GRXCR2: variants seen among roughly 807,000 people sequenced by gnomAD.
GRXCR2 encodes the protein glutaredoxin and cysteine rich domain containing 2.
In GRXCR2, 23 loss-of-function variants were observed where a neutral mutation model predicts 24.8. That is an observed-to-expected ratio of 0.93 (90% CI 0.67 to 1.32). The LOEUF (loss-of-function observed/expected upper bound fraction) is 1.32, where lower values mean the gene tolerates loss of function less well. Among genes scored for constraint, GRXCR2 ranks in the 40% most tolerant of loss-of-function variants. The pLI, the probability that GRXCR2 is intolerant of heterozygous loss-of-function variation, is 0.00. For missense variants in GRXCR2, 315 were observed against 303.4 expected (o/e 1.04, Z -0.28); for synonymous variants, 130 against 116.1 (o/e 1.12, Z -0.77).
chr5:145,880,097 A>G (rs1410501715), intron 2 of GRXCR2, among the ~76,000 whole-genome samples: 1 of 152,236 alleles, frequency 6.6e-6, no homozygotes, highest in Non-Finnish European at 1.5e-5. Flanking sequence ...AGCAGGAAAG[A>G]TCTAAAATCA....
chr5:145,882,492 A>G (rs1003921486), intron 2 of GRXCR2, among the ~76,000 whole-genome samples: 1 of 152,210 alleles, frequency 6.6e-6, no homozygotes, highest in South Asian at 2.1e-4. Flanking sequence ...CACCAATTAG[A>G]ATGGCGATAA....
intron 2 of GRXCR2, among the ~76,000 whole-genome samples, chr5:145,890,418 G>A (rs527790609): frequency 6.6e-6 from 1 of 152,250 alleles, no homozygotes; most frequent in South Asian, 2.1e-4. Context: ...CAAAGACTTC[G>A]AGAAATATGG....
intron 2 of GRXCR2, among the ~76,000 whole-genome samples, chr5:145,889,213 A>AAAGAAAGAAAGAAAG (rs2149918253): frequency 6.6e-6 from 1 of 151,414 alleles, no homozygotes; most frequent in African/African-American, 2.4e-5. Context: ...AGAAAGAAAG[A>AAAGAAAGAAAGAAAG]AAGAAAGAAA....
At chr5:145,892,077 C>A (rs1247202048) in intron 2 of GRXCR2, among the ~76,000 whole-genome samples, 1 of 152,178 alleles carries the variant, frequency 6.6e-6, no homozygotes, top group African/African-American at 2.4e-5. Flanking sequence ...AGGGTCCTGA[C>A]TGTTAGAAGG....
At chr5:145,873,145 T>G (rs190378940), upstream of GRXCR2, 4 of 602,228 alleles carry the variant, frequency 6.6e-6, no homozygotes, top group African/African-American at 7.4e-5. Flanking sequence ...TAGACCCTCA[T>G]GAAAAGGCAG....
At chr5:145,909,786 C>T (rs9885180) in intron 2 of GRXCR2, among the ~76,000 whole-genome samples, 22,315 of 152,092 alleles carry the variant, frequency 0.15, 2,230 homozygotes, top group African/African-American at 0.26. Context: ...TCTTATAAAT[C>T]CTTTTTAATC....
At chr5:145,909,786 C>A (rs9885180) in intron 2 of GRXCR2, among the ~76,000 whole-genome samples, 4 of 152,018 alleles carry the variant, frequency 2.6e-5, no homozygotes, top group Non-Finnish European at 5.9e-5. Flanking sequence ...TCTTATAAAT[C>A]CTTTTTAATC....
intron 2 of GRXCR2, among the ~76,000 whole-genome samples, chr5:145,899,435 G>A (rs893139002): frequency 6.6e-6 from 1 of 151,972 alleles, no homozygotes; most frequent in African/African-American, 2.4e-5. Flanking sequence ...AATAAAAAAA[G>A]AGCTCAAATA....
chr5:145,918,835 T>C (rs1283337078), intron 2 of GRXCR2, among the ~76,000 whole-genome samples: 1 of 152,200 alleles, frequency 6.6e-6, no homozygotes, highest in African/African-American at 2.4e-5. Flanking sequence ...TGTGATACAA[T>C]GGCCTCCATT....
chr5:145,901,442 C>T (rs995097730), intron 2 of GRXCR2, among the ~76,000 whole-genome samples: 1 of 151,972 alleles, frequency 6.6e-6, no homozygotes, highest in Admixed American at 6.6e-5. Context: ...TTATTAGGTA[C>T]CTACTATGTG....
intron 2 of GRXCR2, among the ~76,000 whole-genome samples, chr5:145,894,075 T>C (rs1447765306): frequency 6.6e-6 from 1 of 152,136 alleles, no homozygotes; most frequent in African/African-American, 2.4e-5. Context: ...AAGATGTTCT[T>C]TGAAACCAAC....
intron 2 of GRXCR2, among the ~76,000 whole-genome samples, chr5:145,922,928 C>T (rs1033615783): frequency 1.3e-5 from 2 of 152,308 alleles, no homozygotes; most frequent in African/African-American, 2.4e-5. Flanking sequence ...GTGGGGTTTG[C>T]AATTATAAAA....
chr5:145,872,094 C>T (rs1331066899), intron 1 of GRXCR2, among the ~76,000 whole-genome samples: 1 of 152,204 alleles, frequency 6.6e-6, no homozygotes, highest in African/African-American at 2.4e-5. Flanking sequence ...TGCGTTTCAC[C>T]ATCCCTTCCC....
At chr5:145,868,451 A>C (rs1488996044) in intron 1 of GRXCR2, among the ~76,000 whole-genome samples, 2 of 152,170 alleles carry the variant, frequency 1.3e-5, no homozygotes, top group Non-Finnish European at 1.5e-5. Context: ...CAAGCTTCCT[A>C]TCTGGCCCGA....
intron 2 of GRXCR2, among the ~76,000 whole-genome samples, chr5:145,860,905 A>G (rs1359008079): frequency 6.6e-6 from 1 of 152,016 alleles, no homozygotes; most frequent in African/African-American, 2.4e-5. Context: ...CTTGCTAACA[A>G]ATCTCCAGTT....
chr5:145,904,568 C>A (rs1757065677), intron 2 of GRXCR2, among the ~76,000 whole-genome samples: 2 of 152,196 alleles, frequency 1.3e-5, no homozygotes, highest in South Asian at 4.1e-4. Flanking sequence ...CCTCATACCC[C>A]TTCCTTGAGA....
upstream of GRXCR2, among the ~76,000 whole-genome samples, chr5:145,876,795 C>A (rs1330600299): frequency 6.6e-6 from 1 of 152,070 alleles, no homozygotes; most frequent in African/African-American, 2.4e-5. Flanking sequence ...GTTGGTGTTT[C>A]CAGAATAGTC....
chr5:145,890,198 C>T (rs1383123115), intron 2 of GRXCR2, among the ~76,000 whole-genome samples: 1 of 152,212 alleles, frequency 6.6e-6, no homozygotes, highest in Non-Finnish European at 1.5e-5. Flanking sequence ...AAGCATTTCT[C>T]CTGCCCTCAA....
At chr5:145,926,296 T>G (rs1478341258) in intron 2 of GRXCR2, among the ~76,000 whole-genome samples, 1 of 152,140 alleles carries the variant, frequency 6.6e-6, no homozygotes, top group Non-Finnish European at 1.5e-5. Flanking sequence ...GGTTATAGGA[T>G]TTAACTCCCC....
Sources: allele counts gnomAD v4.1 joint callset (sites outside exome capture counted in the v4.1 genomes callset), GRCh38; gene constraint gnomAD v4.1.1; transcripts MANE v1.5; gene names NCBI Gene and HGNC (gene_info 2026-07-23, HGNC 2026-07-21).